Variants in ITPRID1 observed in about 807,000 individuals in gnomAD.
ITPRID1 encodes protein ITPRID1.
ITPRID1 carries 96 observed loss-of-function variants against 95.4 expected under a neutral mutation model. The ratio of observed to expected loss-of-function variants is 1.01; its 90% CI spans 0.85 to 1.19. ITPRID1 has a LOEUF of 1.19. Ranked by LOEUF, ITPRID1 falls within the 50% of genes most tolerant of loss-of-function variation. The probability of loss-of-function intolerance (pLI) is 0.00; values close to 1 mark genes in which losing one functional copy is unlikely to be tolerated. For synonymous variants in ITPRID1, 510 were observed against 453.6 expected, an observed-to-expected ratio of 1.12 and a Z score of -1.58; for missense variants, 1,339 against 1,252.9, an observed-to-expected ratio of 1.07 and a Z score of -1.04.
At chr7:31,624,020 A>G (rs948589150) in intron 10 of ITPRID1, among the ~76,000 whole-genome samples, 9 of 150,074 alleles carry the variant, frequency 6.0e-5, no homozygotes, top group African/African-American at 2.2e-4. Context: ...TCCCATTCAC[A>G]ATTGCTTCAA....
chr7:31,598,864 C>T (rs924665732), intron 10 of ITPRID1, among the ~76,000 whole-genome samples: 9 of 152,194 alleles, frequency 5.9e-5, no homozygotes, highest in Middle Eastern at 6.8e-3. Context: ...AATGATAAGA[C>T]GCTATTTTAG....
At chr7:31,521,570 A>G (rs1327459912) in intron 1 of ITPRID1, among the ~76,000 whole-genome samples, 1 of 151,700 alleles carries the variant, frequency 6.6e-6, no homozygotes, top group African/African-American at 2.4e-5. Flanking sequence ...TCAGTTCTGG[A>G]ATGTGTCCGA....
intron 5 of ITPRID1, among the ~76,000 whole-genome samples, chr7:31,569,449 C>T (rs1274231302): frequency 2.6e-5 from 4 of 152,156 alleles, no homozygotes. Flanking sequence ...TGCCTCTTTT[C>T]CAGCCATCAA....
chr7:31,633,984 T>A (rs1292805578), intron 10 of ITPRID1, among the ~76,000 whole-genome samples: 1 of 152,230 alleles, frequency 6.6e-6, no homozygotes, highest in Non-Finnish European at 1.5e-5. Context: ...CAGAAGCTTT[T>A]ATTACCAGAC....
At chr7:31,528,519 A>T (rs999785533) in intron 1 of ITPRID1, among the ~76,000 whole-genome samples, 1 of 152,148 alleles carries the variant, frequency 6.6e-6, no homozygotes, top group Non-Finnish European at 1.5e-5. Context: ...CTGTTTTGTC[A>T]TGTCAGCCTT....
intron 10 of ITPRID1, among the ~76,000 whole-genome samples, chr7:31,608,109 C>G (rs1368788932): frequency 2.0e-5 from 3 of 151,908 alleles, no homozygotes; most frequent in Non-Finnish European, 4.4e-5. Context: ...TTAGTTATCC[C>G]AACATCATTT....
intron 10 of ITPRID1, among the ~76,000 whole-genome samples, chr7:31,588,858 G>A (rs1785740546): frequency 6.6e-6 from 1 of 152,000 alleles, no homozygotes; most frequent in South Asian, 2.1e-4. Flanking sequence ...TAAGTGAACT[G>A]AGATTTTCAT....
rs369963496 is a variant in ITPRID1, at chr7:31,578,339, G to T, written c.1075G>T (p.Gly359Cys). ...PSCVSEGSVKGRTQKENLFQT... is the reference protein window; with the variant it reads ...PSCVSEGSVKCRTQKENLFQT... Reference sequence around the variant, plus strand: ...CTGTGTGTCTGAGGGGTCAGTCAAGGGCAGAACTCAGAAGGAGAACTTATT... The same window carrying T: ...CTGTGTGTCTGAGGGGTCAGTCAAGTGCAGAACTCAGAAGGAGAACTTATT... The change falls in exon 9 of 15, where the codon GGC becomes TGC. Residue 359 changes from glycine to cysteine, a missense_variant. Physicochemically the swap from Gly to Cys is radical, Grantham distance 159. Coordinates refer to ENST00000615280, the MANE Select transcript of ITPRID1 (RefSeq NM_001257967.3). The T allele has an allele frequency of 8.1e-6, 13 of 1,613,814 alleles. No homozygotes were observed. The African/African-American group carries it at 1.6e-4, about 20-fold the overall frequency.
intron 1 of ITPRID1, among the ~76,000 whole-genome samples, chr7:31,519,604 C>A (rs1783155814): frequency 3.5e-5 from 2 of 57,894 alleles, no homozygotes; most frequent in Admixed American, 2.2e-4. Context: ...CTCTCTCTCT[C>A]TCTCTCTCTC....
chr7:31,591,039 T>C (rs146467270), intron 10 of ITPRID1, among the ~76,000 whole-genome samples: 15 of 152,264 alleles, frequency 9.9e-5, no homozygotes, highest in African/African-American at 3.6e-4. Flanking sequence ...AGGAGTCCCT[T>C]GCATCTGGGA....
intron 5 of ITPRID1, among the ~76,000 whole-genome samples, chr7:31,561,176 A>C (rs1784611293): frequency 6.6e-6 from 1 of 152,208 alleles, no homozygotes; most frequent in African/African-American, 2.4e-5. Context: ...TGATAGTAGA[A>C]GAATTGGAGA....
At chr7:31,616,777 AAGG>A (rs1422249436) in intron 10 of ITPRID1, among the ~76,000 whole-genome samples, 2 of 148,716 alleles carry the variant, frequency 1.3e-5, no homozygotes, top group African/African-American at 5.1e-5. Context: ...CAAAACCAAA[AAGG>A]TTTCTAAATT....
chr7:31,578,292 C>T lies in ITPRID1; in HGVS notation c.1028C>T (p.Pro343Leu), dbSNP rs372420153. 196 of 1,613,744 alleles carry T rather than the reference C, an allele frequency of 1.2e-4. No individual in the cohort carries two copies. The highest frequency in any genetic ancestry group is 1.5e-4 in the Non-Finnish European group (175 of 1,179,830). ...AAGCAGTGGCCTTGCTCATCTATGC[C>T]GGCCAAGCAGGCTCCTCCTTCCTGT... ...LSKQWPCSSM[P>L]AKQAPPSCVS... Residue 343 changes from proline to leucine, a missense_variant, in exon 9 of 15, where the codon CCG becomes CTG. Transcript: ENST00000615280.
intron 10 of ITPRID1, among the ~76,000 whole-genome samples, chr7:31,591,485 A>G (rs1785862326): frequency 1.3e-5 from 2 of 152,234 alleles, no homozygotes; most frequent in African/African-American, 4.8e-5. Context: ...AATATTAGCA[A>G]ACCGAGTATT....
Position 31,588,007 on chromosome 7 carries a change from A to G in ITPRID1, c.1228+4816A>G, listed in dbSNP as rs544337504. ...TCTTTAGGAATTAATATTCTCAGTGAGTTGTATGAGGACATGGCGTCTATG... is the reference window on the plus strand; with the variant it reads ...TCTTTAGGAATTAATATTCTCAGTGGGTTGTATGAGGACATGGCGTCTATG... On this transcript the variant is annotated intron_variant, in intron 10 of 14. Transcript: ENST00000615280. 3.0e-4 allele frequency among the ~76,000 whole-genome samples: 46 copies of G among 152,286 alleles called. 1 individual carries two copies. Among genetic ancestry groups the G allele is most frequent in the Admixed American group, 2.2e-3 (33 of 15,296 alleles).
intron 12 of ITPRID1, among the ~76,000 whole-genome samples, chr7:31,648,125 A>G (rs1049850104): frequency 2.0e-5 from 3 of 152,244 alleles, no homozygotes; most frequent in South Asian, 2.1e-4. Flanking sequence ...AAGTGCTTCC[A>G]TATTGTTTAT....
rs1243412937 is a variant in ITPRID1 at position 31,551,500 on chromosome 7, G to T, written c.-23-1502G>T. ...GGCTAAAATATTGACTGTTAATATA[G>T]ATATAACTATTTTTTCCCTTAATTT... On this transcript the variant is annotated intron_variant, in intron 2 of 14. Transcript: ENST00000615280. Among the ~76,000 whole-genome samples the T allele has an allele frequency of 1.4e-5, 2 of 143,204 alleles. 1 individual carries two copies. The highest frequency in any genetic ancestry group is 1.4e-4 in the Admixed American group (2 of 14,222). The allele number at this position is 143,204 out of a possible 152,430, so 93.9% of individuals were successfully genotyped here. A position where few individuals can be genotyped will look rare whatever the true frequency, so the allele number is the denominator to read the frequency against.
At chr7:31,546,868 A>G (rs745373357) in intron 1 of ITPRID1, among the ~76,000 whole-genome samples, 1 of 152,114 alleles carries the variant, frequency 6.6e-6, no homozygotes, top group Non-Finnish European at 1.5e-5. Context: ...TCATATAGGG[A>G]GGCATGTAGA....
rs1435023729 is a variant in ITPRID1 at position 31,652,709 on chromosome 7, T to A, written c.3015T>A (p.Thr1005=). The part of the protein sequence containing the change: ...CSGGTQLAAF[T]PPTLENSTRM... The stretch of plus-strand genomic sequence containing the variant: ...GTGGGACCCAGTTGGCTGCCTTCAC[T>A]CCACCCACCTTGGAGAACAGCACCA... Residue 1005 remains threonine, a synonymous_variant, in exon 15 of 15, where the codon ACT becomes ACA. Transcript: ENST00000615280. 6.2e-7 allele frequency: 1 copy of A among 1,613,796 alleles called. No homozygotes were observed. Among genetic ancestry groups the A allele is most frequent in the African/African-American group, 1.3e-5 (1 of 74,904 alleles).
Sources: gnomAD v4.1 joint callset for allele counts (sites outside exome capture counted in the v4.1 genomes callset) on GRCh38, gnomAD v4.1.1 for gene constraint, MANE v1.5 for transcripts, NCBI Gene and HGNC (gene_info 2026-07-23, HGNC 2026-07-21) for gene names.